Variants in GRIN2A observed in about 807,000 individuals in gnomAD.
GRIN2A encodes glutamate receptor ionotropic, NMDA 2A.
Under a neutral mutation model 113.4 loss-of-function variants are expected in GRIN2A, and 22 were observed. The ratio of observed to expected loss-of-function variants is 0.19; its 90% CI spans 0.14 to 0.28. The LOEUF is 0.28. Ranked by LOEUF, GRIN2A falls within the 10% of genes least tolerant of loss-of-function variation. GRIN2A has a pLI of 1.00. For synonymous variants in GRIN2A, 827 were observed against 738.4 expected (o/e 1.12, Z -1.94); for missense variants, 1,502 against 1,887.0 (o/e 0.80, Z 3.78).
chr16:9,997,677 T>G (rs1489876391), intron 2 of GRIN2A, among the ~76,000 whole-genome samples: 1 of 152,166 alleles, frequency 6.6e-6, no homozygotes, highest in African/African-American at 2.4e-5. Flanking sequence ...CCAAATTTCA[T>G]CTTGAATCAT....
chr16:9,816,983 C>G (rs1384995083), intron 10 of GRIN2A, among the ~76,000 whole-genome samples: 2 of 152,194 alleles, frequency 1.3e-5, no homozygotes, highest in African/African-American at 4.8e-5. Context: ...AAAATCCCAT[C>G]TCTGTTGATG....
At chr16:10,150,260 T>C (rs1056616374) in intron 2 of GRIN2A, among the ~76,000 whole-genome samples, 1 of 152,296 alleles carries the variant, frequency 6.6e-6, no homozygotes, top group African/African-American at 2.4e-5. Context: ...TTGATCAACC[T>C]CTCAGTTGAG....
intron 2 of GRIN2A, among the ~76,000 whole-genome samples, chr16:9,994,829 C>T (rs2141826994): frequency 6.6e-6 from 1 of 152,270 alleles, no homozygotes; most frequent in African/African-American, 2.4e-5. Context: ...TCTCCTGTTG[C>T]TATGGTAATT....
chr16:10,025,635 G>A (rs1053074852), intron 2 of GRIN2A, among the ~76,000 whole-genome samples: 1 of 152,060 alleles, frequency 6.6e-6, no homozygotes, highest in Non-Finnish European at 1.5e-5. Context: ...TAAGCAAGGA[G>A]GCTGGAATAC....
rs575020094 is a variant in GRIN2A, at chr16:9,860,119, T to C, written c.1123-10158A>G. ...GATGCTGTTGAAGAACACAGCTTCC[T>C]AATCTGGAAGAGAATCCAAAAAATG... On this transcript the variant is annotated intron_variant, in intron 4 of 12. Coordinates refer to ENST00000330684, the MANE Select transcript of GRIN2A (RefSeq NM_001134407.3). Among the ~76,000 whole-genome samples, 5 of 152,074 alleles carry C rather than the reference T, an allele frequency of 3.3e-5. No homozygotes were observed. The South Asian group carries it at 1.0e-3, about 32-fold the overall frequency.
At chr16:9,824,945 A>G (rs1429883178) in intron 9 of GRIN2A, among the ~76,000 whole-genome samples, 1 of 152,146 alleles carries the variant, frequency 6.6e-6, no homozygotes, top group East Asian at 1.9e-4. Flanking sequence ...TGCTGCGAGA[A>G]TGATTCCTAG....
At position 9,756,960 on chromosome 16, in the gene GRIN2A, A is replaced by G. The variant is rs764391126; in HGVS notation, c.*6189T>C. 1.0e-5 allele frequency: 2 copies of G among 191,626 alleles called. No homozygotes were observed. The highest frequency in any genetic ancestry group is 2.2e-5 in the Non-Finnish European group (2 of 91,372). 11.9% of individuals were successfully genotyped at this position (191,626 alleles called of 1,614,324 possible). On this transcript the variant is annotated 3_prime_UTR_variant, in exon 13 of 13. Transcript: ENST00000330684. ...GTAGGCACTTGGAACTTGATAAAGAATTTTCCCTCTATGCTTCCCTGATAC... is the reference window on the plus strand; with the variant it reads ...GTAGGCACTTGGAACTTGATAAAGAGTTTTCCCTCTATGCTTCCCTGATAC...
intron 2 of GRIN2A, among the ~76,000 whole-genome samples, chr16:10,097,658 A>T (rs952303412): frequency 6.6e-6 from 1 of 152,210 alleles, no homozygotes; most frequent in East Asian, 1.9e-4. Context: ...TGGTGGGGAC[A>T]GGGATGGCTG....
At chr16:10,042,356 G>A (rs1271750733) in intron 2 of GRIN2A, among the ~76,000 whole-genome samples, 1 of 152,100 alleles carries the variant, frequency 6.6e-6, no homozygotes, top group Non-Finnish European at 1.5e-5. Context: ...GAAGTTGGCT[G>A]CCATGACATG....
chr16:9,773,588 G>C (rs1456362541), intron 11 of GRIN2A, among the ~76,000 whole-genome samples: 1 of 152,174 alleles, frequency 6.6e-6, no homozygotes, highest in East Asian at 1.9e-4. Flanking sequence ...TGGGGTTGCA[G>C]TCAAACCACA....
chr16:9,874,155 A>G (rs572200849), intron 4 of GRIN2A, among the ~76,000 whole-genome samples: 1 of 152,268 alleles, frequency 6.6e-6, no homozygotes, highest in South Asian at 2.1e-4. Flanking sequence ...AAACAGGCCC[A>G]CTCAGTCTTT....
At chr16:9,847,512 C>T (rs1372678912) in intron 5 of GRIN2A, among the ~76,000 whole-genome samples, 3 of 151,892 alleles carry the variant, frequency 2.0e-5, no homozygotes, top group Non-Finnish European at 4.4e-5. Context: ...ATGCAGTGAG[C>T]CGTGATCACA....
chr16:10,116,537 T>A (rs1187543529), intron 2 of GRIN2A, among the ~76,000 whole-genome samples: 1 of 152,196 alleles, frequency 6.6e-6, no homozygotes, highest in African/African-American at 2.4e-5. Context: ...GGGGAATTAC[T>A]TCAGTTAAGT....
chr16:10,144,687 T>C (rs986328360), intron 2 of GRIN2A, among the ~76,000 whole-genome samples: 1 of 152,154 alleles, frequency 6.6e-6, no homozygotes. Context: ...ACAGCCAAGA[T>C]ACGGAAATAA....
intron 10 of GRIN2A, among the ~76,000 whole-genome samples, chr16:9,812,855 G>C (rs1013902381): frequency 6.6e-6 from 1 of 152,180 alleles, no homozygotes; most frequent in African/African-American, 2.4e-5. Context: ...CTTAGGGAAA[G>C]TCAGTAAACA....
chr16:10,054,061 T>G (rs2047405184), intron 2 of GRIN2A, among the ~76,000 whole-genome samples: 1 of 151,644 alleles, frequency 6.6e-6, no homozygotes, highest in Admixed American at 6.6e-5. Flanking sequence ...GGAGTGACAA[T>G]AAGAAGTTAA....
chr16:9,834,309 T>C lies in GRIN2A; in HGVS notation c.1652-79A>G, dbSNP rs566252728. ...TTCCAGCAGGAAGCCCAGACATCCA[T>C]TTGCAGGCTCGCCAAAAATATTTTC... On this transcript the variant is annotated intron_variant, in intron 7 of 12. Coordinates refer to ENST00000330684, the MANE Select transcript of GRIN2A (RefSeq NM_001134407.3). The C allele has an allele frequency of 9.9e-4, 1,368 of 1,376,634 alleles. 5 individuals carry two copies. In the African/African-American group the frequency reaches 1.0e-2, roughly 10 times the overall value. The allele number at this position is 1,376,634 out of a possible 1,614,324, so 85.3% of individuals were successfully genotyped here.
At chr16:10,115,837 A>T (rs1310589073) in intron 2 of GRIN2A, among the ~76,000 whole-genome samples, 4 of 152,184 alleles carry the variant, frequency 2.6e-5, no homozygotes, top group Non-Finnish European at 5.9e-5. Flanking sequence ...TGTTTTAAGA[A>T]TGACCAGAAA....
intron 2 of GRIN2A, among the ~76,000 whole-genome samples, chr16:10,094,827 A>G (rs1396748513): frequency 6.6e-6 from 1 of 150,554 alleles, no homozygotes; most frequent in East Asian, 1.9e-4. Context: ...GAAGCAGGAA[A>G]AGTATAAAAT....
Sources: gnomAD v4.1 joint callset for allele counts (sites outside exome capture counted in the v4.1 genomes callset) on GRCh38, gnomAD v4.1.1 for gene constraint, MANE v1.5 for transcripts, NCBI Gene and HGNC (gene_info 2026-07-23, HGNC 2026-07-21) for gene names.